The following CDH13 variants were observed in gnomAD, a reference collection of about 807,000 sequenced individuals.
The protein encoded by CDH13 is cadherin 13.
Under a neutral mutation model 63.8 loss-of-function variants are expected in CDH13, and 24 were observed. The ratio of observed to expected loss-of-function variants is 0.38; its 90% CI spans 0.27 to 0.53. The LOEUF (loss-of-function observed/expected upper bound fraction) is 0.53, where lower values mean the gene tolerates loss of function less well. CDH13 is among the 20% of genes least tolerant of loss of function. The pLI is 0.85. For synonymous variants in CDH13, 503 were observed against 355.3 expected (o/e 1.42, Z -4.67); for missense variants, 1,049 against 903.1 (o/e 1.16, Z -2.07).
chr16:83,221,005 A>G (rs1374201414), intron 5 of CDH13, among the ~76,000 whole-genome samples: 2 of 152,262 alleles, frequency 1.3e-5, no homozygotes, highest in African/African-American at 4.8e-5. Context: ...AGGTGTTAAC[A>G]CCATTTCACA....
intron 3 of CDH13, among the ~76,000 whole-genome samples, chr16:83,118,238 G>C (rs1035713697): frequency 2.6e-5 from 4 of 152,210 alleles, no homozygotes; most frequent in African/African-American, 9.7e-5. Context: ...ACCTCTGCGT[G>C]CCTACGTCTG....
chr16:83,455,998 A>G (rs898698992), intron 6 of CDH13, among the ~76,000 whole-genome samples: 2 of 152,240 alleles, frequency 1.3e-5, no homozygotes, highest in Non-Finnish European at 2.9e-5. Flanking sequence ...GGAGGCTCCC[A>G]CTGCTGTTAC....
chr16:83,080,872 T>TG (rs2033189057), intron 3 of CDH13, among the ~76,000 whole-genome samples: 1 of 19,690 alleles, frequency 5.1e-5, no homozygotes, highest in Non-Finnish European at 1.1e-4. Context: ...TGTTTTTGTG[T>TG]TTTTTTTTTT....
At chr16:83,789,421 A>G (rs990804726) in intron 13 of CDH13, among the ~76,000 whole-genome samples, 1 of 148,296 alleles carries the variant, frequency 6.7e-6, no homozygotes, top group Non-Finnish European at 1.5e-5. Flanking sequence ...ATTTTGGCTC[A>G]CTGCAACTTC....
At chr16:83,464,682 C>G (rs144418956) in intron 6 of CDH13, among the ~76,000 whole-genome samples, 1 of 152,176 alleles carries the variant, frequency 6.6e-6, no homozygotes, top group East Asian at 1.9e-4. Context: ...CAAGGATACC[C>G]CAAGGCTGGA....
intron 7 of CDH13, among the ~76,000 whole-genome samples, chr16:83,528,374 A>T (rs1340013944): frequency 6.6e-6 from 1 of 152,168 alleles, no homozygotes; most frequent in Non-Finnish European, 1.5e-5. Flanking sequence ...TTTTCCATTA[A>T]GTCTTCTCCT....
At chr16:83,239,980 G>A (rs900242601) in intron 5 of CDH13, among the ~76,000 whole-genome samples, 3 of 152,140 alleles carry the variant, frequency 2.0e-5, no homozygotes, top group Non-Finnish European at 2.9e-5. Flanking sequence ...AGAAGGTCAT[G>A]AGCTATACAA....
chr16:83,690,488 G>A (rs964350146), intron 10 of CDH13, among the ~76,000 whole-genome samples: 8 of 152,142 alleles, frequency 5.3e-5, no homozygotes, highest in South Asian at 2.1e-4. Flanking sequence ...TGTGCCCAGC[G>A]CACAGCAAGT....
chr16:83,412,204 G>GT (rs1328462091), intron 6 of CDH13, among the ~76,000 whole-genome samples: 9 of 152,218 alleles, frequency 5.9e-5, no homozygotes, highest in Non-Finnish European at 1.0e-4. Context: ...GCTCACTCCT[G>GT]TAATCCCAGC....
intron 6 of CDH13, among the ~76,000 whole-genome samples, chr16:83,375,696 GC>G (rs2091447688): frequency 6.6e-6 from 1 of 152,186 alleles, no homozygotes; most frequent in Non-Finnish European, 1.5e-5. Flanking sequence ...GATCTAGAAG[GC>G]TCCCAGGCAG....
At chr16:83,780,325 A>G (rs1341466793) in intron 12 of CDH13, 124 bp downstream of exon 12, 7 of 639,958 alleles carry the variant, frequency 1.1e-5, no homozygotes, top group African/African-American at 7.3e-5. Flanking sequence ...AGTTATTGGC[A>G]TATTATAAAT....
intron 2 of CDH13, among the ~76,000 whole-genome samples, chr16:82,960,511 T>A (rs1330218852): frequency 6.6e-6 from 1 of 152,164 alleles, no homozygotes; most frequent in Non-Finnish European, 1.5e-5. Context: ...GGAAAAGGAC[T>A]ATGTCTATAA....
intron 6 of CDH13, among the ~76,000 whole-genome samples, chr16:83,362,704 G>T (rs2091184982): frequency 6.6e-6 from 1 of 152,212 alleles, no homozygotes; most frequent in African/African-American, 2.4e-5. Flanking sequence ...CAAGGATACT[G>T]CATTTCCTCT....
intron 2 of CDH13, among the ~76,000 whole-genome samples, chr16:82,887,095 C>G (rs2040913863): frequency 6.6e-6 from 1 of 152,168 alleles, no homozygotes; most frequent in African/African-American, 2.4e-5. Flanking sequence ...AAGAAGCTAC[C>G]TAAAGATTTC....
chr16:83,349,529 C>A (rs1036911805), intron 6 of CDH13, among the ~76,000 whole-genome samples: 4 of 152,042 alleles, frequency 2.6e-5, no homozygotes, highest in Non-Finnish European at 5.9e-5. Context: ...GGTACAGGGA[C>A]AGATACCAGG....
At chr16:82,856,374 CA>C (rs71382852) in intron 1 of CDH13, among the ~76,000 whole-genome samples, 18 of 95,886 alleles carry the variant, frequency 1.9e-4, no homozygotes, top group African/African-American at 4.7e-4. Context: ...GACTCCATCT[CA>C]AAAAAAAAAA....
chr16:83,080,395 G>C (rs4278739), intron 3 of CDH13, among the ~76,000 whole-genome samples: 99,911 of 152,092 alleles, frequency 0.66, 33,937 homozygotes, highest in East Asian at 0.88. Flanking sequence ...ATTTATTCAA[G>C]AATTAAATGA....
chr16:82,928,470 T>C (rs1341736961), intron 2 of CDH13, among the ~76,000 whole-genome samples: 1 of 152,202 alleles, frequency 6.6e-6, no homozygotes, highest in African/African-American at 2.4e-5. Context: ...ACCAGGAGCA[T>C]TTGAAAGTGT....
intron 3 of CDH13, among the ~76,000 whole-genome samples, chr16:83,042,817 T>C (rs1464892734): frequency 1.3e-5 from 2 of 152,236 alleles, no homozygotes; most frequent in Admixed American, 1.3e-4. Context: ...CCTGCTTACA[T>C]GAAATATGTT....
Sources: allele counts gnomAD v4.1 joint callset (sites outside exome capture counted in the v4.1 genomes callset), GRCh38; gene constraint gnomAD v4.1.1; transcripts MANE v1.5; gene names NCBI Gene and HGNC (gene_info 2026-07-23, HGNC 2026-07-21).